KLF8: variants seen among roughly 807,000 people sequenced by gnomAD.
The protein encoded by KLF8 is Krueppel-like factor 8.
In KLF8, 10 loss-of-function variants were observed where a neutral mutation model predicts 18.2. The observed-to-expected ratio is 0.55, with a 90% CI of 0.34 to 0.93. The LOEUF is 0.93. KLF8 is among the 40% of genes least tolerant of loss of function. The pLI is 0.02. For missense variants in KLF8, 264 were observed against 277.9 expected (o/e 0.95, Z 0.36); for synonymous variants, 109 against 97.3 (o/e 1.12, Z -0.71).
the KLF8 span, among the ~76,000 whole-genome samples, chrX:55,909,007 T>A: frequency 9.0e-6 from 1 of 110,918 alleles, no homozygotes; most frequent in African/African-American, 3.3e-5. Flanking sequence ...CTCAGTTCGA[T>A]GGCTGTGTGG....
At chrX:56,097,986 G>C in the KLF8 span, among the ~76,000 whole-genome samples, 4 of 110,762 alleles carry the variant, frequency 3.6e-5, no homozygotes, top group African/African-American at 1.3e-4. Flanking sequence ...ATTAGAGATA[G>C]GGCTTAATAG....
chrX:56,159,215 T>C, the KLF8 span, among the ~76,000 whole-genome samples: 7 of 112,151 alleles, frequency 6.2e-5, no homozygotes, highest in Admixed American at 6.7e-4. Context: ...TTTGAACCAG[T>C]CTTGCATCCC....
chrX:56,166,391 C>T, the KLF8 span, among the ~76,000 whole-genome samples: 1 of 111,663 alleles, frequency 9.0e-6, no homozygotes. Flanking sequence ...GTTTAATTGA[C>T]CATTGCTCTT....
the KLF8 span, among the ~76,000 whole-genome samples, chrX:56,108,341 CATAA>C: frequency 1.4e-4 from 16 of 111,596 alleles, no homozygotes; most frequent in African/African-American, 5.2e-4. Context: ...GTGGGCTTTC[CATAA>C]ATACCTTTTA....
the KLF8 span, among the ~76,000 whole-genome samples, chrX:56,094,212 C>T: frequency 5.9e-4 from 65 of 109,841 alleles, no homozygotes; most frequent in African/African-American, 1.8e-3. Flanking sequence ...ATGCTATTTA[C>T]GAAAAACAGA....
chrX:56,088,585 G>A, the KLF8 span, among the ~76,000 whole-genome samples: 4 of 111,443 alleles, frequency 3.6e-5, no homozygotes, highest in Non-Finnish European at 7.5e-5. Flanking sequence ...TTTATTACCT[G>A]ATATTTTCCC....
At chrX:56,088,545 T>C in the KLF8 span, among the ~76,000 whole-genome samples, 1 of 111,887 alleles carries the variant, frequency 8.9e-6, no homozygotes, top group African/African-American at 3.2e-5. Flanking sequence ...ATCTTTCAAG[T>C]GGTATTGTAT....
the KLF8 span, among the ~76,000 whole-genome samples, chrX:56,097,174 C>A: frequency 9.0e-6 from 1 of 111,074 alleles, no homozygotes; most frequent in South Asian, 3.8e-4. Flanking sequence ...AAATGTAATT[C>A]ATCACATCTG....
the KLF8 span, among the ~76,000 whole-genome samples, chrX:56,016,571 G>A: frequency 1.8e-5 from 2 of 111,477 alleles, no homozygotes; most frequent in Non-Finnish European, 3.8e-5. Context: ...AGTACTTCAC[G>A]TTAAATAAGC....
chrX:56,204,888 G>A, the KLF8 span, among the ~76,000 whole-genome samples: 1 of 110,539 alleles, frequency 9.0e-6, no homozygotes, highest in Non-Finnish European at 1.9e-5. Flanking sequence ...TACTGCTTGG[G>A]GATGGGGTGG....
chrX:56,165,858 CAA>C, the KLF8 span, among the ~76,000 whole-genome samples: 15 of 62,715 alleles, frequency 2.4e-4, no homozygotes, highest in Admixed American at 3.8e-4. Context: ...GACCCTGTCT[CAA>C]AAAAAAAAAA....
At chrX:56,129,928 C>T in the KLF8 span, among the ~76,000 whole-genome samples, 1 of 110,195 alleles carries the variant, frequency 9.1e-6, no homozygotes, top group African/African-American at 3.3e-5. Context: ...ACCTGCATGA[C>T]ATAGCAGAGC....
the KLF8 span, among the ~76,000 whole-genome samples, chrX:55,997,566 C>T: frequency 1.8e-5 from 2 of 111,655 alleles, no homozygotes; most frequent in African/African-American, 6.5e-5. Context: ...CTTTTTCTCC[C>T]TTCAGCCCAG....
chrX:56,260,197 C>A (rs1363955764), intron 2 of KLF8, among the ~76,000 whole-genome samples: 1 of 111,148 alleles, frequency 9.0e-6, no homozygotes, highest in African/African-American at 3.3e-5. Context: ...CCCAGATAAT[C>A]CAGCAGGATC....
the KLF8 span, among the ~76,000 whole-genome samples, chrX:56,054,111 C>A: frequency 9.5e-6 from 1 of 105,102 alleles, no homozygotes; most frequent in African/African-American, 3.9e-5. Flanking sequence ...TGAGATCTTT[C>A]TTTTTATTTA....
At chrX:55,983,165 G>C in the KLF8 span, among the ~76,000 whole-genome samples, 25 of 111,097 alleles carry the variant, frequency 2.3e-4, no homozygotes, top group Admixed American at 2.1e-3. Context: ...CCTTAATATT[G>C]AATTTGATAC....
At chrX:56,196,067 A>G in the KLF8 span, among the ~76,000 whole-genome samples, 1 of 111,840 alleles carries the variant, frequency 8.9e-6, no homozygotes, top group East Asian at 2.8e-4. Context: ...TGCCTTCAAG[A>G]GTTCCTAAAG....
At chrX:56,093,540 A>G in the KLF8 span, among the ~76,000 whole-genome samples, 1 of 111,069 alleles carries the variant, frequency 9.0e-6, no homozygotes, top group Non-Finnish European at 1.9e-5. Context: ...CCTGCCTTAC[A>G]ACAAATGTAA....
chrX:56,093,268 C>A, the KLF8 span, among the ~76,000 whole-genome samples: 1 of 110,906 alleles, frequency 9.0e-6, no homozygotes, highest in African/African-American at 3.3e-5. Flanking sequence ...TTACAGAAAT[C>A]AAAGACAAAT....
Sources: allele counts gnomAD v4.1 joint callset (sites outside exome capture counted in the v4.1 genomes callset), GRCh38; gene constraint gnomAD v4.1.1; transcripts MANE v1.5; gene names NCBI Gene and HGNC (gene_info 2026-07-23, HGNC 2026-07-21).